COIL: variants seen among roughly 807,000 people sequenced by gnomAD.
COIL encodes the protein coilin p80.
In COIL, 28 loss-of-function variants were observed where a neutral mutation model predicts 51.6. The ratio of observed to expected loss-of-function variants is 0.54; its 90% CI spans 0.40 to 0.74. The LOEUF is 0.74. COIL is among the 30% of genes least tolerant of loss of function. The pLI, the probability that COIL is intolerant of heterozygous loss-of-function variation, is 0.00. For missense variants in COIL, 667 were observed against 685.9 expected, an observed-to-expected ratio of 0.97 and a Z score of 0.31; for synonymous variants, 233 against 255.8, an observed-to-expected ratio of 0.91 and a Z score of 0.85.
At chr17:56,949,840 A>G (rs755208269) in intron 2 of COIL, 49 bp downstream of exon 2, 7 of 1,611,256 alleles carry the variant, frequency 4.3e-6, no homozygotes, top group Non-Finnish European at 5.9e-6. Flanking sequence ...AACTCCACAC[A>G]CATTCTAAGG....
chr17:56,944,878 A>C (rs191757377), intron 5 of COIL, among the ~76,000 whole-genome samples: 5 of 150,442 alleles, frequency 3.3e-5, no homozygotes, highest in Non-Finnish European at 7.4e-5. Flanking sequence ...TTAGCCGGGC[A>C]TGGCGGCCAG....
intron 1 of COIL, among the ~76,000 whole-genome samples, chr17:56,956,850 C>T (rs1910493519): frequency 6.6e-6 from 1 of 152,190 alleles, no homozygotes; most frequent in African/African-American, 2.4e-5. Flanking sequence ...CTGCCTCAGC[C>T]TCCCAAAGTG....
At chr17:56,959,019 A>C (rs1035807740) in intron 1 of COIL, among the ~76,000 whole-genome samples, 4 of 152,098 alleles carry the variant, frequency 2.6e-5, no homozygotes, top group African/African-American at 9.6e-5. Flanking sequence ...ACAACTCTGG[A>C]ATTAATTCAC....
Position 56,950,468 on chromosome 17 carries a change from A to G in COIL, c.774T>C (p.Ser258=), listed in dbSNP as rs1910339576. Residue 258 remains serine, a synonymous_variant, in exon 2 of 7, where the codon AGT becomes AGC. Coordinates refer to ENST00000240316, the MANE Select transcript of COIL (RefSeq NM_004645.3). ...SESESCDESI[S]DGPSKVTLEA... is the part of the protein sequence containing the mutation. Reference sequence around the variant, plus strand: ...CCAAAGTGACTTTGCTGGGACCATCACTGATAGATTCATCACAAGATTCAG... The same window carrying G: ...CCAAAGTGACTTTGCTGGGACCATCGCTGATAGATTCATCACAAGATTCAG... 6.2e-7 allele frequency: 1 copy of G among 1,614,080 alleles called. No homozygotes were observed. The highest frequency in any genetic ancestry group is 1.3e-5 in the African/African-American group (1 of 74,930).
At chr17:56,948,249 C>T (rs1303296644) in intron 4 of COIL, among the ~76,000 whole-genome samples, 2 of 151,690 alleles carry the variant, frequency 1.3e-5, no homozygotes, top group Non-Finnish European at 2.9e-5. Flanking sequence ...ATTCTCCTGC[C>T]TCAGCCTCCT....
chr17:56,948,667 TCTGA>T (rs1387517921), intron 4 of COIL, among the ~76,000 whole-genome samples: 6 of 151,616 alleles, frequency 4.0e-5, no homozygotes, highest in Admixed American at 6.6e-5. Context: ...CTGTGATCCC[TCTGA>T]CTGAGTCAAG....
Position 56,942,576 on chromosome 17 carries a change from C to T in COIL, c.1559-453G>A, listed in dbSNP as rs576983130. Among the ~76,000 whole-genome samples, 7 of 152,074 alleles carry T rather than the reference C, an allele frequency of 4.6e-5. No individual in the cohort carries two copies. In the South Asian group the frequency reaches 6.2e-4, roughly 14 times the overall value. ...TATCGCCCAGGCTGTAGTGTAGTGG[C>T]GCAATCTCGACTCACTACAACCTCT... On this transcript the variant is annotated intron_variant, in intron 5 of 6. Coordinates refer to ENST00000240316, the MANE Select transcript of COIL (RefSeq NM_004645.3).
In COIL at chr17:56,960,745, C is replaced by T. The variant is rs566001775; in HGVS notation, c.245+30G>A. On this transcript the variant is annotated intron_variant, in intron 1 of 6. Transcript: ENST00000240316. ...AGGCGCGTCCCCCGCCCGCCGCCCACCCGGCCGTCCCGCTCCCTGCGCCGC... is the reference window on the plus strand; with the variant it reads ...AGGCGCGTCCCCCGCCCGCCGCCCATCCGGCCGTCCCGCTCCCTGCGCCGC... 3.4e-6 allele frequency: 5 copies of T among 1,486,212 alleles called. No individual in the cohort carries two copies. In the African/African-American group the frequency reaches 5.7e-5, roughly 17 times the overall value. The allele number at this position is 1,486,212 out of a possible 1,614,324, so 92.1% of individuals were successfully genotyped here.
chr17:56,960,473 G>A (rs1910568899), intron 1 of COIL, among the ~76,000 whole-genome samples: 1 of 151,312 alleles, frequency 6.6e-6, no homozygotes, highest in Admixed American at 6.6e-5. Flanking sequence ...GCAGTGAACC[G>A]AGATCGCGCC....
At chr17:56,946,566 C>T in intron 4 of COIL, 55 bp from the exon 5 acceptor site, 1 of 1,096,796 alleles carries the variant, frequency 9.1e-7, no homozygotes, top group South Asian at 1.4e-5. Context: ...TGTGAATATA[C>T]TAAAAACCAC....
rs1910359272 is a variant in COIL at position 56,950,946 on chromosome 17, T to C, written c.296A>G (p.Asn99Ser). Residue 99 changes from asparagine (N) to serine (S), a missense_variant, in exon 2 of 7, where the codon AAT (asparagine) becomes AGT (serine). Physicochemically the swap from Asn to Ser is conservative, Grantham distance 46. Transcript: ENST00000240316. ...GVAENSVVIS[N>S]GDINLSLRKA... Reference sequence around the variant, plus strand: ...TCTAAGAGATAAATTAATGTCACCATTACTGATGACTACAGAATTCTCAGC... The same window carrying C: ...TCTAAGAGATAAATTAATGTCACCACTACTGATGACTACAGAATTCTCAGC... 3 of 1,611,524 alleles carry C rather than the reference T, an allele frequency of 1.9e-6. No homozygotes were observed. The highest frequency in any genetic ancestry group is 2.5e-6 in the Non-Finnish European group (3 of 1,179,510).
At chr17:56,941,600 T>G (rs1315830517) in intron 6 of COIL, among the ~76,000 whole-genome samples, 1 of 152,046 alleles carries the variant, frequency 6.6e-6, no homozygotes, top group East Asian at 1.9e-4. Flanking sequence ...TGGTAACACT[T>G]GGGGGATAGT....
At chr17:56,943,662 C>A (rs1910188868) in intron 5 of COIL, among the ~76,000 whole-genome samples, 1 of 152,162 alleles carries the variant, frequency 6.6e-6, no homozygotes, top group Non-Finnish European at 1.5e-5. Context: ...GGTAATGGAT[C>A]ATGACGCGTA....
chr17:56,949,440 AAAG>A lies in COIL; in HGVS notation c.1441-9_1441-7del, dbSNP rs1317070257. 6.2e-7 allele frequency: 1 copy of A among 1,604,168 alleles called. No individual in the cohort carries two copies. Among genetic ancestry groups the A allele is most frequent in the Non-Finnish European group, 8.5e-7 (1 of 1,177,746 alleles). On this transcript the variant is annotated splice_region_variant and splice_polypyrimidine_tract_variant and intron_variant, in intron 3 of 6. Coordinates refer to ENST00000240316, the MANE Select transcript of COIL (RefSeq NM_004645.3). ...CTGGATGTTAGCTCCAAAAGCTAAA[AAAG>A]AAGAAAAAACCCACAAATACATAAG... is the stretch of plus-strand genomic sequence containing the variant.
chr17:56,950,206 G>T lies in COIL; in HGVS notation c.1036C>A (p.Leu346Ile), dbSNP rs1465895481. The T allele has an allele frequency of 1.9e-6, 3 of 1,614,158 alleles. No homozygotes were observed. In the African/African-American group the frequency reaches 4.0e-5, roughly 22 times the overall value. Residue 346 changes from leucine to isoleucine, a missense_variant, in exon 2 of 7, where the codon CTT (leucine) becomes ATT (isoleucine). By Grantham distance (5) the Leu-to-Ile change is conservative. Transcript: ENST00000240316. ...CCTGGACGACCTCTTCCTGCAAAAA[G>T]GCCTACTGTCTTTAAGAAACCCGCA... ...CAAGFLKTVG[L>I]FAGRGRPGPG...
At chr17:56,958,786 A>C (rs1284380816) in intron 1 of COIL, among the ~76,000 whole-genome samples, 2 of 152,192 alleles carry the variant, frequency 1.3e-5, no homozygotes, top group South Asian at 2.1e-4. Context: ...TTTCACAGTC[A>C]ATAAAAAGGG....
chr17:56,952,500 A>C (rs1910392883), intron 1 of COIL: 1 of 307,194 alleles, frequency 3.3e-6, no homozygotes, highest in Admixed American at 4.7e-5. Context: ...TTAACATTTA[A>C]ATTGCTAGAC....
At chr17:56,944,571 A>T (rs1415135081) in intron 5 of COIL, among the ~76,000 whole-genome samples, 1 of 151,868 alleles carries the variant, frequency 6.6e-6, no homozygotes, top group Admixed American at 6.6e-5. Context: ...AGCCTGGACA[A>T]CAGAGTGAGA....
intron 1 of COIL, among the ~76,000 whole-genome samples, chr17:56,953,879 A>G (rs1383691707): frequency 6.6e-6 from 1 of 152,190 alleles, no homozygotes; most frequent in Non-Finnish European, 1.5e-5. Context: ...TTTAAATTAT[A>G]AAAACACATT....
Sources: gnomAD v4.1 joint callset for allele counts (sites outside exome capture counted in the v4.1 genomes callset) on GRCh38, gnomAD v4.1.1 for gene constraint, MANE v1.5 for transcripts, NCBI Gene and HGNC (gene_info 2026-07-23, HGNC 2026-07-21) for gene names.